The following XPNPEP2 variants were observed in gnomAD, a reference collection of about 807,000 sequenced individuals.
XPNPEP2 encodes xaa-Pro aminopeptidase 2.
Under a neutral mutation model 59.8 loss-of-function variants are expected in XPNPEP2, and 64 were observed. The ratio of observed to expected loss-of-function variants is 1.07; its 90% CI spans 0.87 to 1.32. The LOEUF (loss-of-function observed/expected upper bound fraction) is 1.32, where lower values mean the gene tolerates loss of function less well. Among genes scored for constraint, XPNPEP2 ranks in the 40% most tolerant of loss-of-function variants. The pLI is 0.00. For synonymous variants in XPNPEP2, 235 were observed against 210.0 expected (o/e 1.12, Z -1.03); for missense variants, 575 against 546.8 (o/e 1.05, Z -0.51).
chrX:129,741,170 A>AT (rs1926172207), intron 1 of XPNPEP2, among the ~76,000 whole-genome samples: 1 of 60,171 alleles, frequency 1.7e-5, no homozygotes, highest in African/African-American at 1.3e-4. Context: ...CTCAATGAAT[A>AT]TTGGGGGGGG....
chrX:129,761,892 G>T lies in XPNPEP2; in HGVS notation c.1604-114G>T, dbSNP rs1221790395. 7.0e-6 allele frequency: 5 copies of T among 718,068 alleles called. No individual in the cohort carries two copies. The African/African-American group carries it at 8.4e-5, about 12-fold the overall frequency. 59.2% of individuals were successfully genotyped at this position (718,068 alleles called of 1,213,427 possible). A position where few individuals can be genotyped will look rare whatever the true frequency, so the allele number is the denominator to read the frequency against. ...AGGCAGACAATGATGTGATGGACCT[G>T]TGCTCATAGAGATGCTCTGGGATCC... On this transcript the variant is annotated intron_variant, in intron 17 of 20. Transcript: ENST00000371106.
chrX:129,758,935 G>A (rs1926605768), intron 14 of XPNPEP2, among the ~76,000 whole-genome samples: 1 of 111,673 alleles, frequency 9.0e-6, no homozygotes, highest in South Asian at 3.7e-4. Context: ...GTGGGATGGG[G>A]GAGGAGTGTG....
intron 14 of XPNPEP2, 128 bp from the exon 15 acceptor site, chrX:129,759,052 G>C (rs1926607793): frequency 8.3e-6 from 6 of 725,227 alleles, no homozygotes; most frequent in Non-Finnish European, 1.3e-5. Flanking sequence ...GATTATGGTA[G>C]CTGTCTTCTT....
In XPNPEP2 at chrX:129,754,345, C is replaced by A. The variant is rs1035175751; in HGVS notation, c.1108-127C>A. The A allele has an allele frequency of 5.6e-5, 30 of 533,282 alleles. No individual in the cohort carries two copies. In the Middle Eastern group the frequency reaches 1.7e-3, roughly 31 times the overall value. 43.9% of individuals were successfully genotyped at this position (533,282 alleles called of 1,213,427 possible). ...ATAAACACTAACAAGAATTCTTTGACATCAAATAGCCAGTGTTTTCAAAGC... is the reference window on the plus strand; with the variant it reads ...ATAAACACTAACAAGAATTCTTTGAAATCAAATAGCCAGTGTTTTCAAAGC... On this transcript the variant is annotated intron_variant, in intron 11 of 20. Transcript: ENST00000371106.
Position 129,764,326 on chromosome X carries a change from C to A in XPNPEP2, c.1740+1556C>A, listed in dbSNP as rs1458232985. On this transcript the variant is annotated intron_variant, in intron 19 of 20. Transcript: ENST00000371106. ...TTCACTAAAATTAACACCAAATGGTCCACATGCATGTGGAAAGATGCTCAA... is the reference window on the plus strand; with the variant it reads ...TTCACTAAAATTAACACCAAATGGTACACATGCATGTGGAAAGATGCTCAA... Among the ~76,000 whole-genome samples, 4 of 109,764 alleles carry A rather than the reference C, an allele frequency of 3.6e-5. No individual in the cohort carries two copies. In the East Asian group the frequency reaches 1.1e-3, roughly 32 times the overall value.
Position 129,768,571 on chromosome X carries a change from A to C in XPNPEP2, c.*86A>C. On this transcript the variant is annotated 3_prime_UTR_variant, in exon 21 of 21. Coordinates refer to ENST00000371106, the MANE Select transcript of XPNPEP2 (RefSeq NM_003399.6). ...CTCACCCTGCACTGAACATACCCCA[A>C]GAGCCCCTGCTGGCCCATTGCCTAG... The C allele has an allele frequency of 1.1e-6, 1 of 873,377 alleles. No individual in the cohort carries two copies. Among genetic ancestry groups the C allele is most frequent in the Non-Finnish European group, 1.5e-6 (1 of 661,687 alleles). 72.0% of individuals were successfully genotyped at this position (873,377 alleles called of 1,213,427 possible).
intron 10 of XPNPEP2, among the ~76,000 whole-genome samples, chrX:129,752,689 A>G (rs1329796120): frequency 8.9e-6 from 1 of 112,395 alleles, no homozygotes; most frequent in African/African-American, 3.2e-5. Context: ...CTTTTTCTTC[A>G]CCTATAAAAT....
chrX:129,740,501 C>T (rs1438023435), intron 1 of XPNPEP2, among the ~76,000 whole-genome samples: 1 of 110,206 alleles, frequency 9.1e-6, no homozygotes, highest in Non-Finnish European at 1.9e-5. Context: ...GTGGCGCACG[C>T]TTGTAATCCC....
At chrX:129,743,591 G>A (rs754783109) in intron 2 of XPNPEP2, among the ~76,000 whole-genome samples, 5 of 112,183 alleles carry the variant, frequency 4.5e-5, no homozygotes, top group Non-Finnish European at 7.5e-5. Context: ...TTGCTAATCT[G>A]GCAACCCTAC....
intron 20 of XPNPEP2, 116 bp from the exon 21 acceptor site, chrX:129,768,175 G>A (rs1260920179): frequency 1.4e-6 from 1 of 694,598 alleles, no homozygotes; most frequent in African/African-American, 2.2e-5. Context: ...GGGGACCTGT[G>A]GCCATCTGGA....
chrX:129,752,101 C>T, intron 9 of XPNPEP2, 49 bp from the exon 10 acceptor site: 3 of 1,169,494 alleles, frequency 2.6e-6, no homozygotes, highest in Non-Finnish European at 3.5e-6. Flanking sequence ...TGGTCCTTTG[C>T]ATCCTTAGCA....
At chrX:129,765,619 TTTTC>T (rs1202021096) in intron 19 of XPNPEP2, among the ~76,000 whole-genome samples, 3 of 103,603 alleles carry the variant, frequency 2.9e-5, no homozygotes, top group African/African-American at 1.1e-4. Flanking sequence ...GTATTTCTTT[TTTTC>T]TTTCTTTCTT....
chrX:129,748,668 T>A (rs1046399407), intron 7 of XPNPEP2, among the ~76,000 whole-genome samples: 1 of 112,693 alleles, frequency 8.9e-6, no homozygotes, highest in African/African-American at 3.2e-5. Flanking sequence ...ACTTCCAGAA[T>A]CATTCTTTCT....
chrX:129,760,747 C>T (rs1242332287), intron 16 of XPNPEP2, among the ~76,000 whole-genome samples, 166 bp downstream of exon 16: 1 of 111,868 alleles, frequency 8.9e-6, no homozygotes, highest in African/African-American at 3.3e-5. Context: ...CAAGGTCACA[C>T]AGAAGGTTAG....
In XPNPEP2 at chrX:129,752,171, C is replaced by G. The variant is rs752088523; in HGVS notation, c.843C>G (p.Arg281=). 9 of 1,209,821 alleles carry G rather than the reference C, an allele frequency of 7.4e-6. No homozygotes were observed. The East Asian group carries it at 2.7e-4, about 36-fold the overall frequency. ...SSIRLFANKS[R]FSSETLSYLN... is the part of the protein sequence containing the mutation. ...CCAGGTTGTTTGCAAACAAGAGTCGCTTTAGCTCCGAAACCTTGAGCTATC... is the reference window on the plus strand; with the variant it reads ...CCAGGTTGTTTGCAAACAAGAGTCGGTTTAGCTCCGAAACCTTGAGCTATC... The change falls in exon 10 of 21, where the codon CGC becomes CGG. Residue 281 remains arginine, a synonymous_variant. Transcript: ENST00000371106.
intron 10 of XPNPEP2, among the ~76,000 whole-genome samples, chrX:129,752,568 C>T (rs41337444): frequency 0.013 from 1,449 of 112,113 alleles, 18 homozygotes; most frequent in African/African-American, 0.045. Context: ...GGAGAGTATA[C>T]GGCCTGATCT....
chrX:129,741,172 T>TG (rs10664993), intron 1 of XPNPEP2, among the ~76,000 whole-genome samples: 10,127 of 88,096 alleles, frequency 0.11, 648 homozygotes, highest in East Asian at 0.27. Context: ...CAATGAATAT[T>TG]GGGGGGGGGT....
chrX:129,763,548 T>G (rs1310688312), intron 19 of XPNPEP2, among the ~76,000 whole-genome samples: 1 of 111,177 alleles, frequency 9.0e-6, no homozygotes, highest in Non-Finnish European at 1.9e-5. Context: ...GTCATGCACC[T>G]GCAGTCCCAG....
chrX:129,744,173 C>A, intron 3 of XPNPEP2, 102 bp downstream of exon 3: 1 of 758,571 alleles, frequency 1.3e-6, no homozygotes, highest in Non-Finnish European at 2.0e-6. Context: ...GAGAAAGGAT[C>A]TGATGGGCAA....
Sources: allele counts gnomAD v4.1 joint callset (sites outside exome capture counted in the v4.1 genomes callset), GRCh38; gene constraint gnomAD v4.1.1; transcripts MANE v1.5; gene names NCBI Gene and HGNC (gene_info 2026-07-23, HGNC 2026-07-21).